USP8: variants seen among roughly 807,000 people sequenced by gnomAD.
USP8 encodes the protein ubiquitin carboxyl-terminal hydrolase 8.
Under a neutral mutation model 130.0 loss-of-function variants are expected in USP8, and 27 were observed. The observed-to-expected ratio is 0.21, with a 90% CI of 0.15 to 0.29. USP8 has a LOEUF of 0.29. Ranked by LOEUF, USP8 falls within the 10% of genes least tolerant of loss-of-function variation. The probability of loss-of-function intolerance (pLI) is 1.00; values close to 1 mark genes in which losing one functional copy is unlikely to be tolerated. For synonymous variants in USP8, 392 were observed against 444.1 expected (o/e 0.88, Z 1.48); for missense variants, 1,029 against 1,312.2 (o/e 0.78, Z 3.33).
chr15:50,496,718 G>A (rs2052427391), intron 17 of USP8, among the ~76,000 whole-genome samples: 1 of 151,940 alleles, frequency 6.6e-6, no homozygotes, highest in Non-Finnish European at 1.5e-5. Context: ...CTTTACATGG[G>A]GATATCAAAT....
chr15:50,445,905 G>A (rs2050425401), intron 3 of USP8, among the ~76,000 whole-genome samples: 1 of 151,368 alleles, frequency 6.6e-6, no homozygotes, highest in Non-Finnish European at 1.5e-5. Context: ...AATTTAGCAA[G>A]CTCTCTCAAT....
intron 6 of USP8, among the ~76,000 whole-genome samples, chr15:50,464,535 G>A (rs965854022): frequency 6.6e-6 from 1 of 152,168 alleles, no homozygotes; most frequent in Non-Finnish European, 1.5e-5. Flanking sequence ...TGTAAACAGA[G>A]CATCGAACTG....
At chr15:50,484,585 A>G (rs2051888089) in intron 12 of USP8, among the ~76,000 whole-genome samples, 1 of 152,198 alleles carries the variant, frequency 6.6e-6, no homozygotes, top group Non-Finnish European at 1.5e-5. Flanking sequence ...AGCGTATTCT[A>G]TTTATTTTAT....
intron 3 of USP8, among the ~76,000 whole-genome samples, chr15:50,444,903 A>G (rs1031746994): frequency 6.6e-6 from 1 of 151,960 alleles, no homozygotes; most frequent in African/African-American, 2.4e-5. Flanking sequence ...GAGTACAGAC[A>G]CGCACCACCA....
In USP8 at chr15:50,500,778, G is replaced by C. The variant is rs2052570001; in HGVS notation, c.*1690G>C. 6.3e-7 allele frequency: 1 copy of C among 1,588,586 alleles called. No individual in the cohort carries two copies. Among genetic ancestry groups the C allele is most frequent in the Admixed American group, 1.8e-5 (1 of 55,932 alleles). ...TGTTATCAAAGCTATATCAGGCCTG[G>C]GTGACTGAATTCTTGCAGAAAGCAG... On this transcript the variant is annotated 3_prime_UTR_variant, in exon 20 of 20. Transcript: ENST00000307179.
At chr15:50,485,449 CA>C (rs71424070) in intron 12 of USP8, among the ~76,000 whole-genome samples, 187 of 116,358 alleles carry the variant, frequency 1.6e-3, no homozygotes, top group Middle Eastern at 5.2e-3. Context: ...GACTCCATTT[CA>C]AAAAAAAAAA....
chr15:50,463,760 G>A (rs2051092522), intron 6 of USP8, among the ~76,000 whole-genome samples: 1 of 152,140 alleles, frequency 6.6e-6, no homozygotes, highest in African/African-American at 2.4e-5. Flanking sequence ...TAGCATAGGA[G>A]CTACTGAGAC....
At position 50,462,282 on chromosome 15, in the gene USP8, C is replaced by T. The variant is rs2051034170; in HGVS notation, c.501C>T (p.Ser167=). Residue 167 remains serine, a splice_region_variant and synonymous_variant, in exon 6 of 20, where the codon AGC becomes AGT. Coordinates refer to ENST00000307179, the MANE Select transcript of USP8 (RefSeq NM_005154.5). ...VLDSKDKTQK[S]NGEKNEKCET... ...TTTTTTTTTTTCCTATGCAATAGAGCAATGGTGAAAAGAATGAAAAATGTG... is the reference window on the plus strand; with the variant it reads ...TTTTTTTTTTTCCTATGCAATAGAGTAATGGTGAAAAGAATGAAAAATGTG... 1.3e-6 allele frequency: 2 copies of T among 1,599,226 alleles called. No individual in the cohort carries two copies. The highest frequency in any genetic ancestry group is 1.8e-5 in the Admixed American group (1 of 56,144).
In USP8 at chr15:50,500,816, C is replaced by T. The variant is rs1234258979; in HGVS notation, c.*1728C>T. 1 of 1,585,784 alleles carries T rather than the reference C, an allele frequency of 6.3e-7. No homozygotes were observed. ...TTGCAGAAAGCAGTGTAGTGGCCAC[C>T]ATCCAAATCACCAAAATGGTTCTAT... On this transcript the variant is annotated 3_prime_UTR_variant, in exon 20 of 20. Transcript: ENST00000307179.
chr15:50,466,464 G>A (rs575435218), intron 7 of USP8, among the ~76,000 whole-genome samples: 45 of 152,078 alleles, frequency 3.0e-4, no homozygotes, highest in African/African-American at 9.4e-4. Flanking sequence ...GTGAGGTGGC[G>A]TATGCCTATA....
chr15:50,490,486 G>A lies in USP8; in HGVS notation c.2195G>A (p.Arg732Lys), dbSNP rs773772253. The A allele has an allele frequency of 1.4e-5, 22 of 1,613,950 alleles. No individual in the cohort carries two copies. The South Asian group carries it at 2.1e-4, about 15-fold the overall frequency. Residue 732 changes from arginine (R) to lysine (K), a missense_variant, in exon 14 of 20, where the codon AGG becomes AAG. This residue lies in a region of USP8 where 486 missense variants were observed against 522.0 expected (regional missense o/e 0.93). Transcript: ENST00000307179. ...ITQAIQEEEK[R>K]KPTVTPTVNR... ...CAGGCTATTCAAGAGGAAGAGAAGAGGAAGCCAACAGTAACTCCAACAGTT... is the reference window on the plus strand; with the variant it reads ...CAGGCTATTCAAGAGGAAGAGAAGAAGAAGCCAACAGTAACTCCAACAGTT...
At chr15:50,445,736 A>T in intron 3 of USP8, among the ~76,000 whole-genome samples, 1 of 150,944 alleles carries the variant, frequency 6.6e-6, no homozygotes, top group East Asian at 1.9e-4. Context: ...AGGCGCCTGT[A>T]ATCCCAGCTA....
chr15:50,511,880 C>G lies in USP8; in HGVS notation c.*12792C>G, dbSNP rs2052742559. The stretch of plus-strand genomic sequence containing the variant: ...GGGCATGGTGGTGCACACCTGTGGT[C>G]CCAGCTACTCGAGGGAGGGAGGAGG... On this transcript the variant is annotated 3_prime_UTR_variant, in exon 20 of 20. Transcript: ENST00000307179. The G allele has an allele frequency of 6.6e-6, 1 of 152,164 alleles. No individual in the cohort carries two copies. The highest frequency in any genetic ancestry group is 2.1e-4 in the South Asian group (1 of 4,832). 9.4% of individuals were successfully genotyped at this position (152,164 alleles called of 1,614,324 possible). A position where few individuals can be genotyped will look rare whatever the true frequency, so the allele number is the denominator to read the frequency against.
At chr15:50,468,899 A>T (rs1024270459) in intron 7 of USP8, among the ~76,000 whole-genome samples, 1 of 152,184 alleles carries the variant, frequency 6.6e-6, no homozygotes, top group African/African-American at 2.4e-5. Context: ...AGACCAAGAA[A>T]CAATGTTATC....
intron 3 of USP8, among the ~76,000 whole-genome samples, chr15:50,442,033 G>A (rs2050278765): frequency 7.1e-6 from 1 of 140,222 alleles, no homozygotes; most frequent in African/African-American, 2.7e-5. Context: ...CTGGAGTGCA[G>A]TGGCGTGATA....
At chr15:50,437,125 G>A (rs898781874) in intron 1 of USP8, among the ~76,000 whole-genome samples, 1 of 151,824 alleles carries the variant, frequency 6.6e-6, no homozygotes, top group African/African-American at 2.4e-5. Flanking sequence ...TCACGTTTGC[G>A]TTGTTATGCT....
chr15:50,458,081 G>A (rs1014506801), intron 4 of USP8, among the ~76,000 whole-genome samples: 4 of 151,950 alleles, frequency 2.6e-5, no homozygotes, highest in Admixed American at 2.0e-4. Flanking sequence ...GATAATTAGG[G>A]CAAACAAGAT....
intron 5 of USP8, among the ~76,000 whole-genome samples, chr15:50,459,996 C>CCTT (rs567135111): frequency 1.3e-3 from 117 of 92,012 alleles, no homozygotes; most frequent in Non-Finnish European, 1.7e-3. Context: ...CACCCCCCCC[C>CCTT]TTTTTTTTTT....
chr15:50,506,326 G>A lies in USP8; in HGVS notation c.*7238G>A, dbSNP rs2052657842. 1 of 152,246 alleles carries A rather than the reference G, an allele frequency of 6.6e-6. No individual in the cohort carries two copies. The highest frequency in any genetic ancestry group is 6.6e-5 in the Admixed American group (1 of 15,252). 9.4% of individuals were successfully genotyped at this position (152,246 alleles called of 1,614,324 possible). On this transcript the variant is annotated 3_prime_UTR_variant, in exon 20 of 20. Transcript: ENST00000307179. The stretch of plus-strand genomic sequence containing the variant: ...TCCTGTCAGATCAGCTGCTGCATTA[G>A]ATTCTCACAGCAGCACAAACTCTAT...
Sources: allele counts gnomAD v4.1 joint callset (sites outside exome capture counted in the v4.1 genomes callset), GRCh38; gene constraint gnomAD v4.1.1; regional missense constraint gnomAD v4.1.1; transcripts MANE v1.5; gene names NCBI Gene and HGNC (gene_info 2026-07-23, HGNC 2026-07-21).